Variants in DRD3 observed in about 807,000 individuals in gnomAD.
DRD3 encodes the protein D(3) dopamine receptor.
In DRD3, 19 loss-of-function variants were observed where a neutral mutation model predicts 36.3. That is an observed-to-expected ratio of 0.52 (90% CI 0.36 to 0.77). The LOEUF is 0.77. Among genes scored for constraint, DRD3 ranks in the 30% least tolerant of loss-of-function variants. DRD3 has a pLI of 0.00. For synonymous variants in DRD3, 195 were observed against 203.7 expected, an observed-to-expected ratio of 0.96 and a Z score of 0.36; for missense variants, 465 against 505.3, an observed-to-expected ratio of 0.92 and a Z score of 0.77.
chr3:114,158,873 T>C (rs1051085398), intron 3 of DRD3, among the ~76,000 whole-genome samples: 1 of 152,054 alleles, frequency 6.6e-6, no homozygotes, highest in Non-Finnish European at 1.5e-5. Context: ...GGGAGAGAAC[T>C]CAGAGCAGGA....
At position 114,128,725 on chromosome 3, in the gene DRD3, C is replaced by A; in HGVS notation, c.1194G>T (p.Leu398=). The A allele has an allele frequency of 6.3e-7, 1 of 1,598,926 alleles. No homozygotes were observed. The highest frequency in any genetic ancestry group is 8.5e-7 in the Non-Finnish European group (1 of 1,171,772). ...IEFRKAFLKI[L]SC ...TCCCTCTTCTGCTCCCTCAGCAAGA[C>A]AGGATCTTGAGGAAGGCTTTCCGGA... The change falls in exon 7 of 7, where the codon CTG becomes CTT. Residue 398 remains leucine (L), a synonymous_variant. Coordinates refer to ENST00000383673, the MANE Select transcript of DRD3 (RefSeq NM_000796.6).
chr3:114,172,047 A>T lies in DRD3; in HGVS notation c.-35-20T>A. ...GGCTTCCTGTGAGGAGACAGAAAAC[A>T]ATATTAATAAAATCAGACTCTTTGG... On this transcript the variant is annotated intron_variant, in intron 1 of 6. Transcript: ENST00000383673. 1 of 1,365,814 alleles carries T rather than the reference A, an allele frequency of 7.3e-7. No individual in the cohort carries two copies. Among genetic ancestry groups the T allele is most frequent in the Non-Finnish European group, 9.5e-7 (1 of 1,053,994 alleles). 84.6% of individuals were successfully genotyped at this position (1,365,814 alleles called of 1,614,324 possible). A position where few individuals can be genotyped will look rare whatever the true frequency, so the allele number is the denominator to read the frequency against.
Position 114,166,761 on chromosome 3 carries a change from A to T in DRD3, c.270+4962T>A, listed in dbSNP as rs2077789185. On this transcript the variant is annotated intron_variant, in intron 2 of 6. Transcript: ENST00000383673. ...ATGGAGGAGCTCATTTGGATATGAG[A>T]CTCCAAGACTCATCCTCAGAGAAAC... Among the ~76,000 whole-genome samples the T allele has an allele frequency of 2.0e-5, 3 of 152,150 alleles. No individual in the cohort carries two copies. In the South Asian group the frequency reaches 6.2e-4, roughly 32 times the overall value.
chr3:114,160,846 C>T (rs1241748892), intron 2 of DRD3, among the ~76,000 whole-genome samples: 1 of 144,452 alleles, frequency 6.9e-6, no homozygotes, highest in Non-Finnish European at 1.5e-5. Flanking sequence ...GGATTCTCTC[C>T]ACTACTCAGA....
At chr3:114,172,251 G>C (rs1408261540) in intron 1 of DRD3, among the ~76,000 whole-genome samples, 3 of 152,122 alleles carry the variant, frequency 2.0e-5, no homozygotes, top group African/African-American at 7.2e-5. Context: ...TAATAAACAA[G>C]ATAAATAAAA....
chr3:114,176,173 T>C (rs962731862), intron 1 of DRD3: 1 of 152,114 alleles, frequency 6.6e-6, no homozygotes, highest in African/African-American at 2.4e-5. Context: ...ACTTACAGAG[T>C]TTTAATTATT....
At chr3:114,143,615 G>C (rs1488073561) in intron 4 of DRD3, among the ~76,000 whole-genome samples, 1 of 152,164 alleles carries the variant, frequency 6.6e-6, no homozygotes, top group Non-Finnish European at 1.5e-5. Context: ...TCTGATTTTA[G>C]GATGGGCCTG....
rs190516176 is a variant in DRD3, at chr3:114,144,077, C to T, written c.526+3338G>A. Among the ~76,000 whole-genome samples the T allele has an allele frequency of 3.9e-5, 6 of 152,326 alleles. No homozygotes were observed. The East Asian group carries it at 1.2e-3, about 29-fold the overall frequency. ...TGTGATATTTGCCTAGACTGCTGGG[C>T]CTCTGCTGGGAGTTAAGGCAACCCT... On this transcript the variant is annotated intron_variant, in intron 4 of 6. Coordinates refer to ENST00000383673, the MANE Select transcript of DRD3 (RefSeq NM_000796.6).
intron 2 of DRD3, among the ~76,000 whole-genome samples, chr3:114,166,623 C>T (rs554771029): frequency 6.6e-6 from 1 of 152,282 alleles, no homozygotes; most frequent in East Asian, 1.9e-4. Flanking sequence ...TAAATCCGTT[C>T]TTTGTAAATT....
At chr3:114,193,049 G>T (rs1162435273) in intron 1 of DRD3, among the ~76,000 whole-genome samples, 1 of 152,106 alleles carries the variant, frequency 6.6e-6, no homozygotes, top group Non-Finnish European at 1.5e-5. Flanking sequence ...GGAGGCCGAG[G>T]CGGGTAGATC....
chr3:114,146,533 C>T (rs534395078), intron 4 of DRD3, among the ~76,000 whole-genome samples: 1 of 151,834 alleles, frequency 6.6e-6, no homozygotes, highest in South Asian at 2.1e-4. Context: ...GCCTGGCCAA[C>T]AGGGTAAAAT....
At position 114,162,232 on chromosome 3, in the gene DRD3, T is replaced by C. The variant is rs117338724; in HGVS notation, c.271-2365A>G. Among the ~76,000 whole-genome samples, 353 of 152,366 alleles carry C rather than the reference T, an allele frequency of 2.3e-3. 12 individuals are homozygous for C. In the South Asian group the frequency reaches 0.041, roughly 18 times the overall value. ...TATTGTTAATAGGAATTAACATTTA[T>C]TGAGAATTCACTGTACATGTGTTAC... On this transcript the variant is annotated intron_variant, in intron 2 of 6. Coordinates refer to ENST00000383673, the MANE Select transcript of DRD3 (RefSeq NM_000796.6).
At chr3:114,196,904 A>C (rs936733184) in intron 1 of DRD3, among the ~76,000 whole-genome samples, 9 of 151,928 alleles carry the variant, frequency 5.9e-5, no homozygotes, top group African/African-American at 1.9e-4. Context: ...ATGCTTTGTA[A>C]ATATATTTTT....
At chr3:114,156,747 CTTTCT>C (rs1559990912) in intron 3 of DRD3, among the ~76,000 whole-genome samples, 3 of 82,318 alleles carry the variant, frequency 3.6e-5, no homozygotes, top group Non-Finnish European at 7.6e-5. Context: ...CTTTCTTTTT[CTTTCT>C]TTCTTTCTTT....
chr3:114,132,393 C>A lies in DRD3; in HGVS notation c.724-993G>T, dbSNP rs192079441. On this transcript the variant is annotated intron_variant, in intron 5 of 6. Transcript: ENST00000383673. ...GACAAAGGGAGGGGAACATCACACACCAGGGCCTGTCAAGGGATGGGGGGC... is the reference window on the plus strand; with the variant it reads ...GACAAAGGGAGGGGAACATCACACAACAGGGCCTGTCAAGGGATGGGGGGC... Among the ~76,000 whole-genome samples, 18 of 152,134 alleles carry A rather than the reference C, an allele frequency of 1.2e-4. No homozygotes were observed. The East Asian group carries it at 3.3e-3, about 28-fold the overall frequency.
chr3:114,157,367 T>C (rs960147278), intron 3 of DRD3, among the ~76,000 whole-genome samples: 1 of 152,126 alleles, frequency 6.6e-6, no homozygotes. Flanking sequence ...ATCCCCCTTT[T>C]CAATTTCATC....
At chr3:114,182,431 CATT>C (rs1266353546), upstream of DRD3, among the ~76,000 whole-genome samples, 2 of 152,100 alleles carry the variant, frequency 1.3e-5, no homozygotes, top group African/African-American at 4.8e-5. Flanking sequence ...CCAAATCACT[CATT>C]ATAGGTAGCA....
At position 114,170,986 on chromosome 3, in the gene DRD3, T is replaced by C. The variant is rs78271008; in HGVS notation, c.270+737A>G. Among the ~76,000 whole-genome samples, 654 of 152,276 alleles carry C rather than the reference T, an allele frequency of 4.3e-3. 14 individuals are homozygous for C. Among genetic ancestry groups the C allele is most frequent in the Admixed American group, 0.037 (572 of 15,290 alleles). ...GATTTCTTTGTTAGCAAATGGGTGT[T>C]TTGTCTTGACCACCCCCTGGCTCTG... On this transcript the variant is annotated intron_variant, in intron 2 of 6. Transcript: ENST00000383673.
chr3:114,156,275 A>G (rs1424753703), intron 3 of DRD3, among the ~76,000 whole-genome samples: 1 of 152,204 alleles, frequency 6.6e-6, no homozygotes, highest in Non-Finnish European at 1.5e-5. Flanking sequence ...GTTCCAGATC[A>G]CATTACTTCC....
Sources: gnomAD v4.1 joint callset for allele counts (sites outside exome capture counted in the v4.1 genomes callset) on GRCh38, gnomAD v4.1.1 for gene constraint, MANE v1.5 for transcripts, NCBI Gene and HGNC (gene_info 2026-07-23, HGNC 2026-07-21) for gene names.